The following AFG2A variants were observed in gnomAD, a reference collection of about 807,000 sequenced individuals.
AFG2A encodes the protein ATPase family gene 2 protein homolog A.
the AFG2A span, among the ~76,000 whole-genome samples, chr4:123,054,933 G>T: frequency 2.0e-5 from 3 of 151,608 alleles, no homozygotes; most frequent in Admixed American, 1.3e-4. Context: ...TCGACTTCTG[G>T]ACTCTTAATA....
At chr4:123,228,830 A>T in the AFG2A span, among the ~76,000 whole-genome samples, 1 of 152,016 alleles carries the variant, frequency 6.6e-6, no homozygotes, top group Non-Finnish European at 1.5e-5. Context: ...CTGGTAGAAC[A>T]TATACATAAC....
chr4:122,930,512 G>A, the AFG2A span, among the ~76,000 whole-genome samples: 1 of 152,060 alleles, frequency 6.6e-6, no homozygotes, highest in African/African-American at 2.4e-5. Flanking sequence ...TGTTTTCAGA[G>A]CTTATAGTAA....
the AFG2A span, among the ~76,000 whole-genome samples, chr4:123,164,510 C>T: frequency 2.3e-3 from 354 of 152,194 alleles, 2 homozygotes; most frequent in African/African-American, 7.9e-3. Context: ...ATTCCAGGCA[C>T]CTGCCACCAC....
At chr4:122,943,137 G>T in the AFG2A span, among the ~76,000 whole-genome samples, 20 of 152,126 alleles carry the variant, frequency 1.3e-4, no homozygotes, top group Non-Finnish European at 1.2e-4. Context: ...GAGTTGTGTA[G>T]GTGTCTATTA....
the AFG2A span, among the ~76,000 whole-genome samples, chr4:122,954,269 C>A: frequency 6.6e-6 from 1 of 152,164 alleles, no homozygotes; most frequent in East Asian, 1.9e-4. Flanking sequence ...ATCCCCGTGT[C>A]CCATAGACAG....
chr4:122,975,911 G>T, the AFG2A span, among the ~76,000 whole-genome samples: 2 of 152,100 alleles, frequency 1.3e-5, no homozygotes, highest in Admixed American at 6.5e-5. Flanking sequence ...CTGTCTTTAG[G>T]AAGCAGGGGA....
the AFG2A span, among the ~76,000 whole-genome samples, chr4:123,176,357 G>A: frequency 6.6e-6 from 1 of 152,108 alleles, no homozygotes; most frequent in African/African-American, 2.4e-5. Context: ...TAACATAAAG[G>A]CCATGCTAGT....
chr4:123,004,021 C>A, the AFG2A span, among the ~76,000 whole-genome samples: 1 of 152,170 alleles, frequency 6.6e-6, no homozygotes, highest in Non-Finnish European at 1.5e-5. Flanking sequence ...GGCAGGCGCC[C>A]CTTCCCCAGC....
the AFG2A span, among the ~76,000 whole-genome samples, chr4:123,134,836 G>A: frequency 6.6e-6 from 1 of 152,060 alleles, no homozygotes; most frequent in African/African-American, 2.4e-5. Context: ...CACGTTTAAA[G>A]AAGGGCTAAT....
At chr4:123,018,930 C>T in the AFG2A span, among the ~76,000 whole-genome samples, 1 of 150,644 alleles carries the variant, frequency 6.6e-6, no homozygotes, top group Non-Finnish European at 1.5e-5. Context: ...TTTTGGCTTT[C>T]AGGTACTAAA....
At chr4:122,944,511 A>G in the AFG2A span, among the ~76,000 whole-genome samples, 1 of 151,944 alleles carries the variant, frequency 6.6e-6, no homozygotes, top group African/African-American at 2.4e-5. Context: ...ACTTCTCTGT[A>G]TTGGTTATTC....
At chr4:122,984,903 G>A in the AFG2A span, among the ~76,000 whole-genome samples, 1 of 152,040 alleles carries the variant, frequency 6.6e-6, no homozygotes, top group Non-Finnish European at 1.5e-5. Flanking sequence ...AAGGATATTG[G>A]TCTGTAGTTT....
At chr4:123,287,230 T>C in the AFG2A span, among the ~76,000 whole-genome samples, 1 of 152,190 alleles carries the variant, frequency 6.6e-6, no homozygotes, top group Non-Finnish European at 1.5e-5. Flanking sequence ...TTCCACTTAG[T>C]TATAATCTTT....
At chr4:123,132,903 C>T in the AFG2A span, among the ~76,000 whole-genome samples, 1 of 151,900 alleles carries the variant, frequency 6.6e-6, no homozygotes, top group Non-Finnish European at 1.5e-5. Flanking sequence ...GCCTCAGCCT[C>T]CCCGGTAGCT....
At chr4:123,031,823 A>C in the AFG2A span, among the ~76,000 whole-genome samples, 1 of 152,200 alleles carries the variant, frequency 6.6e-6, no homozygotes, top group African/African-American at 2.4e-5. Flanking sequence ...ACAGGGATTA[A>C]AAGATACGTA....
chr4:123,117,022 C>T, the AFG2A span, among the ~76,000 whole-genome samples: 1 of 152,144 alleles, frequency 6.6e-6, no homozygotes, highest in Non-Finnish European at 1.5e-5. Context: ...GCTCTGGATT[C>T]ACTTCCCATT....
chr4:123,011,999 G>C, the AFG2A span, among the ~76,000 whole-genome samples: 1 of 141,844 alleles, frequency 7.1e-6, no homozygotes, highest in East Asian at 2.3e-4. Flanking sequence ...GGAAAGTGGA[G>C]AAGGGGTGGG....
chr4:123,006,464 A>G, the AFG2A span, among the ~76,000 whole-genome samples: 1 of 152,094 alleles, frequency 6.6e-6, no homozygotes, highest in African/African-American at 2.4e-5. Flanking sequence ...AATTTCTTCA[A>G]ATATTTAGTG....
At chr4:123,011,956 T>G in the AFG2A span, among the ~76,000 whole-genome samples, 12 of 67,938 alleles carry the variant, frequency 1.8e-4, no homozygotes, top group East Asian at 8.8e-4. Flanking sequence ...GGTAGAGACA[T>G]GGAGAGAAGG....
Sources: gnomAD v4.1 joint callset for allele counts (sites outside exome capture counted in the v4.1 genomes callset) on GRCh38, gnomAD v4.1.1 for gene constraint, MANE v1.5 for transcripts, NCBI Gene and HGNC (gene_info 2026-07-23, HGNC 2026-07-21) for gene names.